Variants in SEMA5B observed in about 807,000 individuals in gnomAD.
SEMA5B encodes semaphorin 5B, also known as semaphorin-5B.
SEMA5B carries 66 observed loss-of-function variants against 135.0 expected under a neutral mutation model. The ratio of observed to expected loss-of-function variants is 0.49; its 90% CI spans 0.40 to 0.60. The LOEUF (loss-of-function observed/expected upper bound fraction) is 0.60, where lower values mean the gene tolerates loss of function less well. SEMA5B is among the 20% of genes least tolerant of loss of function. The probability of loss-of-function intolerance (pLI) is 0.00; values close to 1 mark genes in which losing one functional copy is unlikely to be tolerated. For synonymous variants in SEMA5B, 690 were observed against 639.5 expected, an observed-to-expected ratio of 1.08 and a Z score of -1.19; for missense variants, 1,501 against 1,566.3, an observed-to-expected ratio of 0.96 and a Z score of 0.70.
At chr3:122,991,007 G>A (rs576041192) in intron 1 of SEMA5B, among the ~76,000 whole-genome samples, 20 of 152,248 alleles carry the variant, frequency 1.3e-4, no homozygotes, top group East Asian at 9.6e-4. Context: ...CACATGCTCC[G>A]GATGCTAAAC....
At chr3:122,976,342 C>G (rs1373773251) in intron 1 of SEMA5B, among the ~76,000 whole-genome samples, 1 of 152,116 alleles carries the variant, frequency 6.6e-6, no homozygotes, top group East Asian at 1.9e-4. Context: ...GACTCTATTG[C>G]ACACTCAGTT....
intron 1 of SEMA5B, among the ~76,000 whole-genome samples, chr3:122,983,278 G>A (rs1941584430): frequency 6.6e-6 from 1 of 151,816 alleles, no homozygotes; most frequent in Non-Finnish European, 1.5e-5. Flanking sequence ...GGGGGGTTTT[G>A]TTTCATTTTT....
At chr3:122,943,657 A>C in intron 3 of SEMA5B, 122 bp from the exon 4 acceptor site, 3 of 646,876 alleles carry the variant, frequency 4.6e-6, no homozygotes, top group Non-Finnish European at 8.1e-6. Context: ...CACCCGGGAG[A>C]CCTGGTGCCA....
chr3:122,924,327 C>G (rs1044826065), intron 9 of SEMA5B, among the ~76,000 whole-genome samples: 8 of 152,162 alleles, frequency 5.3e-5, no homozygotes, highest in Non-Finnish European at 1.2e-4. Context: ...AACCACCATA[C>G]CAAACGCCTC....
chr3:123,026,517 C>T (rs1181696934), intron 1 of SEMA5B, among the ~76,000 whole-genome samples: 1 of 152,140 alleles, frequency 6.6e-6, no homozygotes, highest in African/African-American at 2.4e-5. Flanking sequence ...TTAAAGTTTG[C>T]GGTGGGCAAA....
At chr3:123,016,593 G>T (rs1288053493) in intron 1 of SEMA5B, among the ~76,000 whole-genome samples, 1 of 151,956 alleles carries the variant, frequency 6.6e-6, no homozygotes, top group Non-Finnish European at 1.5e-5. Context: ...ATTTTTTTTA[G>T]AGACAGGATC....
chr3:123,006,006 C>T (rs1419642204), intron 1 of SEMA5B, among the ~76,000 whole-genome samples: 12 of 152,234 alleles, frequency 7.9e-5, no homozygotes, highest in Non-Finnish European at 1.8e-4. Context: ...TCAACTTCCT[C>T]CTGAGATGGA....
At chr3:122,926,886 C>T (rs1467579898) in intron 8 of SEMA5B, among the ~76,000 whole-genome samples, 2 of 152,216 alleles carry the variant, frequency 1.3e-5, no homozygotes, top group African/African-American at 4.8e-5. Flanking sequence ...TTACCGCCCA[C>T]CTCTCACTGG....
chr3:122,976,175 G>A (rs921296357), intron 1 of SEMA5B: 7 of 1,519,500 alleles, frequency 4.6e-6, no homozygotes, highest in Non-Finnish European at 6.2e-6. Context: ...CTGTGCAGAT[G>A]CAAGAAGTGC....
chr3:122,987,201 G>T (rs1941729541), intron 1 of SEMA5B, among the ~76,000 whole-genome samples: 2 of 152,058 alleles, frequency 1.3e-5, no homozygotes, highest in South Asian at 4.2e-4. Context: ...GATTGGAGAG[G>T]GTAAAGTCCT....
At chr3:122,935,752 G>A (rs1448667447) in intron 5 of SEMA5B, among the ~76,000 whole-genome samples, 4 of 135,816 alleles carry the variant, frequency 2.9e-5, no homozygotes, top group Non-Finnish European at 6.1e-5. Context: ...GTGCAGTGGC[G>A]TGATACCTGC....
rs191989434 is a variant in SEMA5B, at chr3:122,967,074, G to T, written c.-38-5773C>A. ...TAATTTTGTATTTTTAGTAGAGACG[G>T]GGGTTTCTCCATGTTGGTCAGGCTG... On this transcript the variant is annotated intron_variant, in intron 1 of 22. Transcript: ENST00000357599. 3.4e-3 allele frequency among the ~76,000 whole-genome samples: 507 copies of T among 151,050 alleles called. 2 individuals are homozygous for T. Among genetic ancestry groups the T allele is most frequent in the African/African-American group, 0.012 (490 of 41,082 alleles).
At chr3:123,016,281 G>C (rs1942553985) in intron 1 of SEMA5B, among the ~76,000 whole-genome samples, 1 of 152,214 alleles carries the variant, frequency 6.6e-6, no homozygotes, top group South Asian at 2.1e-4. Context: ...AAAGGCAACT[G>C]TGATGTCGGT....
intron 1 of SEMA5B, among the ~76,000 whole-genome samples, chr3:122,981,406 T>A (rs1456866234): frequency 6.6e-6 from 1 of 152,192 alleles, no homozygotes; most frequent in Non-Finnish European, 1.5e-5. Context: ...CAGCCTTGGT[T>A]CATGTGTGGC....
At chr3:123,013,014 G>A (rs528632987) in intron 1 of SEMA5B, among the ~76,000 whole-genome samples, 1 of 152,222 alleles carries the variant, frequency 6.6e-6, no homozygotes, top group Non-Finnish European at 1.5e-5. Context: ...ACAGTGTAAG[G>A]ACTGTTTTCA....
intron 3 of SEMA5B, 121 bp from the exon 4 acceptor site, chr3:122,943,656 G>A (rs1028946024): frequency 2.1e-5 from 14 of 677,586 alleles, no homozygotes; most frequent in Non-Finnish European, 3.5e-5. Context: ...GCACCCGGGA[G>A]ACCTGGTGCC....
intron 1 of SEMA5B, among the ~76,000 whole-genome samples, chr3:123,020,370 C>A (rs996868272): frequency 1.3e-5 from 2 of 152,026 alleles, no homozygotes; most frequent in African/African-American, 4.8e-5. Context: ...CCTATCTAGA[C>A]GAAACATACA....
intron 1 of SEMA5B, among the ~76,000 whole-genome samples, chr3:122,999,640 A>G (rs4528886): frequency 0.25 from 37,504 of 152,006 alleles, 6,536 homozygotes; most frequent in African/African-American, 0.5. Flanking sequence ...TGAGGGCAGC[A>G]AGGACCCTCC....
intron 1 of SEMA5B, among the ~76,000 whole-genome samples, chr3:123,012,112 T>C (rs1419125018): frequency 1.3e-5 from 2 of 152,156 alleles, no homozygotes; most frequent in Non-Finnish European, 2.9e-5. Flanking sequence ...AGTTGTGAGA[T>C]GTTAGGCAAG....
Sources: gnomAD v4.1 joint callset for allele counts (sites outside exome capture counted in the v4.1 genomes callset) on GRCh38, gnomAD v4.1.1 for gene constraint, MANE v1.5 for transcripts, NCBI Gene and HGNC (gene_info 2026-07-23, HGNC 2026-07-21) for gene names.